The following CUX1 variants were observed in gnomAD, a reference collection of about 807,000 sequenced individuals.
CUX1 encodes protein CASP.
A neutral mutation model predicts 158.8 loss-of-function variants in CUX1; 31 were observed. The observed-to-expected ratio is 0.20, with a 90% CI of 0.15 to 0.26. The LOEUF is 0.26. Among genes scored for constraint, CUX1 ranks in the 10% least tolerant of loss-of-function variants. CUX1 has a pLI of 1.00. For missense variants in CUX1, 1,589 were observed against 2,014.6 expected (o/e 0.79, Z 4.04); for synonymous variants, 879 against 862.1 (o/e 1.02, Z -0.34).
chr7:101,931,570 T>G (rs1806293540), intron 2 of CUX1, among the ~76,000 whole-genome samples: 1 of 152,112 alleles, frequency 6.6e-6, no homozygotes, highest in African/African-American at 2.4e-5. Flanking sequence ...CAAAGCTGCC[T>G]GAAGGTTTTT....
At chr7:102,209,676 A>T (rs782790419) in intron 20 of CUX1, among the ~76,000 whole-genome samples, 1 of 152,192 alleles carries the variant, frequency 6.6e-6, no homozygotes, top group African/African-American at 2.4e-5. Context: ...CTTCATTTCA[A>T]GATGGAGTTG....
chr7:101,997,178 C>T (rs965991606), intron 2 of CUX1, among the ~76,000 whole-genome samples: 2 of 151,806 alleles, frequency 1.3e-5, no homozygotes, highest in Non-Finnish European at 2.9e-5. Context: ...AGCTGTGGAC[C>T]GAAGACAAAT....
chr7:102,222,844 G>T (rs1797957362), intron 20 of CUX1, among the ~76,000 whole-genome samples: 1 of 16,050 alleles, frequency 6.2e-5, no homozygotes, highest in Non-Finnish European at 1.1e-4. Context: ...TTTTGAGACA[G>T]AGTCTCACTC....
At chr7:101,829,484 G>C (rs779242426) in intron 1 of CUX1, among the ~76,000 whole-genome samples, 1 of 152,128 alleles carries the variant, frequency 6.6e-6, no homozygotes, top group Non-Finnish European at 1.5e-5. Context: ...TGAGAAGCCG[G>C]GAGTTGGGGT....
At chr7:102,174,067 G>A (rs7783885) in intron 10 of CUX1, among the ~76,000 whole-genome samples, 6,101 of 152,210 alleles carry the variant, frequency 0.04, 417 homozygotes, top group African/African-American at 0.14. Flanking sequence ...CGGTCACTGA[G>A]TGAGCTGCTG....
At chr7:101,984,411 T>C (rs951671571) in intron 2 of CUX1, among the ~76,000 whole-genome samples, 3 of 149,404 alleles carry the variant, frequency 2.0e-5, no homozygotes, top group Non-Finnish European at 4.4e-5. Flanking sequence ...AACCTCGATA[T>C]ACAGCCTAGT....
chr7:102,068,840 C>T (rs1825827489), intron 3 of CUX1, among the ~76,000 whole-genome samples: 1 of 152,206 alleles, frequency 6.6e-6, no homozygotes, highest in Non-Finnish European at 1.5e-5. Flanking sequence ...TCTGTTGTCT[C>T]AGCAAGTGTG....
chr7:101,883,912 T>C, intron 1 of CUX1, among the ~76,000 whole-genome samples: 1 of 150,252 alleles, frequency 6.7e-6, no homozygotes, highest in Middle Eastern at 3.3e-3. Context: ...ATTATTATTT[T>C]TTATAAGATA....
rs535324664 is a variant in CUX1 at position 102,152,617 on chromosome 7, C to T, written c.675-5943C>T. Reference sequence around the variant, plus strand: ...ATGTTGGCCAAGCTAGTCTCGAACTCGCGACCTCAGGTGATCCACCTGCCT... The same window carrying T: ...ATGTTGGCCAAGCTAGTCTCGAACTTGCGACCTCAGGTGATCCACCTGCCT... On this transcript the variant is annotated intron_variant, in intron 8 of 23. Coordinates refer to ENST00000292535, the MANE Select transcript of CUX1 (RefSeq NM_181552.4). Among the ~76,000 whole-genome samples the T allele has an allele frequency of 3.3e-5, 5 of 152,166 alleles. No individual in the cohort carries two copies. In the East Asian group the frequency reaches 5.8e-4, roughly 18 times the overall value.
intron 2 of CUX1, among the ~76,000 whole-genome samples, chr7:101,927,986 G>A (rs1455728144): frequency 1.3e-5 from 2 of 152,148 alleles, no homozygotes; most frequent in African/African-American, 4.8e-5. Flanking sequence ...ACGTCAACAA[G>A]GCCGGCATCC....
chr7:102,247,485 T>G (rs1171933807), intron 23 of CUX1, among the ~76,000 whole-genome samples: 1 of 152,036 alleles, frequency 6.6e-6, no homozygotes, highest in Non-Finnish European at 1.5e-5. Flanking sequence ...CCTTTCTCAG[T>G]CTAGTTGGAG....
chr7:102,106,307 C>T (rs1439798154), intron 6 of CUX1, among the ~76,000 whole-genome samples: 7 of 151,986 alleles, frequency 4.6e-5, no homozygotes, highest in African/African-American at 1.7e-4. Context: ...CCAGGATGGT[C>T]TCGATCTCTT....
chr7:102,209,636 C>G (rs1236242449), intron 20 of CUX1, among the ~76,000 whole-genome samples: 6 of 152,108 alleles, frequency 3.9e-5, no homozygotes, highest in African/African-American at 1.2e-4. Flanking sequence ...GTAGTTATAA[C>G]CAGGGTCATC....
intron 8 of CUX1, among the ~76,000 whole-genome samples, chr7:102,116,608 C>T (rs1297369438): frequency 2.0e-5 from 3 of 152,094 alleles, no homozygotes; most frequent in Non-Finnish European, 4.4e-5. Flanking sequence ...CGTACCAGTG[C>T]ACTCCAGCCT....
rs58082112 is a variant in CUX1, at chr7:102,255,385, C to CA, written c.*6356dup. 0.59 allele frequency: 519,400 copies of CA among 885,936 alleles called. 76,999 individuals carry two copies. The highest frequency in any genetic ancestry group is 0.92 in the Admixed American group (13,526 of 14,662). 54.9% of individuals were successfully genotyped at this position (885,936 alleles called of 1,614,324 possible). On this transcript the variant is annotated 3_prime_UTR_variant, in exon 24 of 24. Coordinates refer to ENST00000292535, the MANE Select transcript of CUX1 (RefSeq NM_181552.4). ...GTTGGGCATTGTAGGCGAAAAATCC[C>CA]AAAAAAAAAAAAAGACAAAAAAAAA...
chr7:102,111,251 T>C (rs1247428709), intron 6 of CUX1, among the ~76,000 whole-genome samples: 14 of 152,290 alleles, frequency 9.2e-5, no homozygotes, highest in African/African-American at 3.4e-4. Context: ...TTGCATTCCA[T>C]TATAACAGAG....
chr7:101,935,925 C>G (rs1476167876), intron 2 of CUX1, among the ~76,000 whole-genome samples: 1 of 152,134 alleles, frequency 6.6e-6, no homozygotes, highest in Non-Finnish European at 1.5e-5. Flanking sequence ...GAGGTGGAGC[C>G]GGAACAGCTG....
At chr7:102,126,227 C>G (rs201516) in intron 8 of CUX1, among the ~76,000 whole-genome samples, 1 of 145,264 alleles carries the variant, frequency 6.9e-6, no homozygotes, top group East Asian at 2.1e-4. Flanking sequence ...TTTGTAGAGA[C>G]GGGGTTTTAT....
chr7:102,044,063 A>C (rs1263892966), intron 3 of CUX1, among the ~76,000 whole-genome samples: 2 of 152,052 alleles, frequency 1.3e-5, no homozygotes, highest in Non-Finnish European at 2.9e-5. Flanking sequence ...GGCTCACTGT[A>C]GCCTTGAACT....
Sources: gnomAD v4.1 joint callset for allele counts (sites outside exome capture counted in the v4.1 genomes callset) on GRCh38, gnomAD v4.1.1 for gene constraint, MANE v1.5 for transcripts, NCBI Gene and HGNC (gene_info 2026-07-23, HGNC 2026-07-21) for gene names.